The following AGBL4 variants were observed in gnomAD, a reference collection of about 807,000 sequenced individuals.
AGBL4 encodes AGBL carboxypeptidase 4, also known as cytosolic carboxypeptidase 6.
A neutral mutation model predicts 66.4 loss-of-function variants in AGBL4; 58 were observed. The observed-to-expected ratio is 0.87, with a 90% CI of 0.71 to 1.09. The LOEUF (loss-of-function observed/expected upper bound fraction) is 1.09, where lower values mean the gene tolerates loss of function less well. Ranked by LOEUF, AGBL4 falls within the 50% of genes least tolerant of loss-of-function variation. The pLI, the probability that AGBL4 is intolerant of heterozygous loss-of-function variation, is 0.00. For missense variants in AGBL4, 579 were observed against 631.0 expected (o/e 0.92, Z 0.88); for synonymous variants, 234 against 222.9 (o/e 1.05, Z -0.44).
At chr1:48,718,440 C>T (rs1020338828) in intron 6 of AGBL4, among the ~76,000 whole-genome samples, 12 of 152,200 alleles carry the variant, frequency 7.9e-5, no homozygotes, top group African/African-American at 2.7e-4. Context: ...CATGAATCAG[C>T]AAAATGAAAA....
At chr1:49,944,094 C>G (rs1655004840) in intron 1 of AGBL4, among the ~76,000 whole-genome samples, 2 of 152,026 alleles carry the variant, frequency 1.3e-5, no homozygotes, top group Admixed American at 1.3e-4. Context: ...ACTGCCCCCA[C>G]CTGATGGTCC....
At chr1:48,991,646 T>C (rs1660614516) in intron 5 of AGBL4, among the ~76,000 whole-genome samples, 3 of 152,072 alleles carry the variant, frequency 2.0e-5, no homozygotes, top group African/African-American at 4.8e-5. Flanking sequence ...CCTAGTCTTG[T>C]AGGTGTGCTA....
intron 6 of AGBL4, among the ~76,000 whole-genome samples, chr1:48,855,287 A>C (rs993037829): frequency 1.3e-5 from 2 of 152,168 alleles, no homozygotes; most frequent in African/African-American, 4.8e-5. Flanking sequence ...CCAGTGATCA[A>C]TCCCTTCACT....
chr1:49,107,737 C>G (rs866725398), intron 4 of AGBL4, among the ~76,000 whole-genome samples: 413 of 105,440 alleles, frequency 3.9e-3, no homozygotes, highest in African/African-American at 0.016. Flanking sequence ...GAGAGAGAGA[C>G]AATATTTACA....
intron 9 of AGBL4, among the ~76,000 whole-genome samples, chr1:48,630,013 G>A (rs115438582): frequency 0.027 from 4,152 of 152,240 alleles, 177 homozygotes; most frequent in African/African-American, 0.092. Flanking sequence ...CCTGCTGGGC[G>A]CCAGAGACCC....
chr1:49,388,321 A>T (rs1211969886), intron 3 of AGBL4, among the ~76,000 whole-genome samples: 3 of 152,104 alleles, frequency 2.0e-5, no homozygotes, highest in African/African-American at 7.2e-5. Flanking sequence ...AAGCAGCCAA[A>T]TACACATAAA....
rs190582123 is a variant in AGBL4, at chr1:49,042,394, T to C, written c.594+3190A>G. 4.5e-4 allele frequency among the ~76,000 whole-genome samples: 68 copies of C among 152,314 alleles called. 2 individuals are homozygous for C. The South Asian group carries it at 5.4e-3, about 12-fold the overall frequency. ...TTCAGATATCCTGTGGCAGCGACTT[T>C]AAGCTGTCCCTCAATATCAATTCTC... On this transcript the variant is annotated intron_variant, in intron 5 of 13. Transcript: ENST00000371839.
chr1:48,739,283 C>T (rs1389489370), intron 6 of AGBL4, among the ~76,000 whole-genome samples: 1 of 152,194 alleles, frequency 6.6e-6, no homozygotes, highest in African/African-American at 2.4e-5. Flanking sequence ...TAAAATACCT[C>T]CTTCCTTATT....
chr1:49,602,082 C>A (rs546539549), intron 3 of AGBL4, among the ~76,000 whole-genome samples: 2 of 152,188 alleles, frequency 1.3e-5, no homozygotes, highest in Non-Finnish European at 2.9e-5. Context: ...ATGTGGCCAA[C>A]AAACATATGA....
At position 49,741,852 on chromosome 1, in the gene AGBL4, A is replaced by G. The variant is rs542457977; in HGVS notation, c.158-44415T>C. On this transcript the variant is annotated intron_variant, in intron 2 of 13. Coordinates refer to ENST00000371839, the MANE Select transcript of AGBL4 (RefSeq NM_032785.4). ...AAGGCCTTTGACAAAATTCAACAACACTTCATGCTAAAAACTCTCAATAAA... is the reference window on the plus strand; with the variant it reads ...AAGGCCTTTGACAAAATTCAACAACGCTTCATGCTAAAAACTCTCAATAAA... Among the ~76,000 whole-genome samples, 5 of 152,032 alleles carry G rather than the reference A, an allele frequency of 3.3e-5. No individual in the cohort carries two copies. In the South Asian group the frequency reaches 6.2e-4, roughly 19 times the overall value.
chr1:48,839,000 G>C (rs1646741629), intron 6 of AGBL4, among the ~76,000 whole-genome samples: 1 of 152,004 alleles, frequency 6.6e-6, no homozygotes, highest in South Asian at 2.1e-4. Context: ...AGTTAAACTG[G>C]CTATTATCAA....
chr1:48,946,744 C>A (rs1656543967), intron 5 of AGBL4, among the ~76,000 whole-genome samples: 2 of 152,172 alleles, frequency 1.3e-5, no homozygotes, highest in Non-Finnish European at 2.9e-5. Context: ...CACAGACTTA[C>A]AAACTGACGG....
chr1:49,653,498 G>T (rs1378797645), intron 3 of AGBL4, among the ~76,000 whole-genome samples: 1 of 152,056 alleles, frequency 6.6e-6, no homozygotes, highest in Non-Finnish European at 1.5e-5. Flanking sequence ...GTAGGCTTCA[G>T]AAGATGGGTA....
chr1:48,754,122 G>A (rs1423962633), intron 6 of AGBL4, among the ~76,000 whole-genome samples: 1 of 152,164 alleles, frequency 6.6e-6, no homozygotes, highest in Non-Finnish European at 1.5e-5. Flanking sequence ...TGTCTAAGTG[G>A]TACTTACAGT....
chr1:49,424,179 C>T (rs1427138971), intron 3 of AGBL4, among the ~76,000 whole-genome samples: 1 of 152,146 alleles, frequency 6.6e-6, no homozygotes, highest in African/African-American at 2.4e-5. Context: ...CAACCTATGT[C>T]CAACACTTTA....
chr1:49,415,666 T>A (rs574719970), intron 3 of AGBL4, among the ~76,000 whole-genome samples: 1 of 152,180 alleles, frequency 6.6e-6, no homozygotes, highest in Non-Finnish European at 1.5e-5. Context: ...GAGAGATGGA[T>A]TTTAAGGAGG....
chr1:49,576,265 G>T (rs954273973), intron 3 of AGBL4, among the ~76,000 whole-genome samples: 10 of 152,180 alleles, frequency 6.6e-5, no homozygotes, highest in Non-Finnish European at 1.3e-4. Context: ...CCAGTTTTAA[G>T]TGGGGTCCAG....
At position 49,917,067 on chromosome 1, in the gene AGBL4, C is replaced by A. The variant is rs554025431; in HGVS notation, c.35-65549G>T. ...TTTTGTCACCACCAGGCCTGCCCAA[C>A]AAGAGCTCCTGAAAGAAGCACTAAA... On this transcript the variant is annotated intron_variant, in intron 1 of 13. Coordinates refer to ENST00000371839, the MANE Select transcript of AGBL4 (RefSeq NM_032785.4). Among the ~76,000 whole-genome samples the A allele has an allele frequency of 1.4e-3, 210 of 152,270 alleles. 1 individual carries two copies. The highest frequency in any genetic ancestry group is 4.7e-3 in the African/African-American group (196 of 41,540).
chr1:49,570,124 T>A (rs996293277), intron 3 of AGBL4, among the ~76,000 whole-genome samples: 7 of 152,246 alleles, frequency 4.6e-5, no homozygotes, highest in Non-Finnish European at 7.4e-5. Context: ...AAATGGTAGT[T>A]CTATTTTTAG....
Sources: gnomAD v4.1 joint callset for allele counts (sites outside exome capture counted in the v4.1 genomes callset) on GRCh38, gnomAD v4.1.1 for gene constraint, MANE v1.5 for transcripts, NCBI Gene and HGNC (gene_info 2026-07-23, HGNC 2026-07-21) for gene names.